CALB1: variants seen among roughly 807,000 people sequenced by gnomAD.
CALB1 encodes the protein calbindin.
CALB1 carries 16 observed loss-of-function variants against 46.7 expected under a neutral mutation model. That is an observed-to-expected ratio of 0.34 (90% confidence interval 0.23 to 0.52). The LOEUF is 0.52. CALB1 is among the 20% of genes least tolerant of loss of function. CALB1 has a pLI of 0.95. For missense variants in CALB1, 224 were observed against 300.3 expected, an observed-to-expected ratio of 0.75 and a Z score of 1.88; for synonymous variants, 90 against 112.8, an observed-to-expected ratio of 0.80 and a Z score of 1.28.
intron 3 of CALB1, among the ~76,000 whole-genome samples, chr8:90,073,391 A>G (rs1172346695): frequency 6.6e-6 from 1 of 152,108 alleles, no homozygotes; most frequent in African/African-American, 2.4e-5. Flanking sequence ...ACTGATCAAC[A>G]TGGGGATATA....
chr8:90,081,791 C>T (rs1814736590), intron 2 of CALB1, among the ~76,000 whole-genome samples: 1 of 151,756 alleles, frequency 6.6e-6, no homozygotes, highest in African/African-American at 2.4e-5. Context: ...TCCCTCCCTT[C>T]TCTGTCCCTC....
intron 5 of CALB1, 47 bp downstream of exon 5, chr8:90,068,951 A>T (rs1371476213): frequency 1.4e-6 from 2 of 1,387,146 alleles, no homozygotes; most frequent in Non-Finnish European, 2.0e-6. Context: ...CTTAGTTCAT[A>T]ATTGCATCTG....
chr8:90,068,879 A>C (rs937965563), intron 5 of CALB1, 119 bp downstream of exon 5: 4 of 658,164 alleles, frequency 6.1e-6, no homozygotes, highest in Non-Finnish European at 7.7e-6. Flanking sequence ...GAGTAGGTGA[A>C]AATGTGACAC....
At position 90,060,251 on chromosome 8, in the gene CALB1, C is replaced by G. The variant is rs371923255; in HGVS notation, c.708G>C (p.Lys236Asn). The change falls in exon 11 of 11, where the codon AAG (lysine) becomes AAC (asparagine). Residue 236 changes from lysine (K) to asparagine (N), a missense_variant. Physicochemically the swap from Lys to Asn is moderately conservative, Grantham distance 94. Transcript: ENST00000265431. ...LDINNITTYK[K>N]NIMALSDGGK... ...CTCCATCCGACAAAGCCATTATGTT[C>G]TTCTTGTATGTTGTAATATTATTAA... 6.2e-7 allele frequency: 1 copy of G among 1,611,322 alleles called. No homozygotes were observed. The highest frequency in any genetic ancestry group is 8.5e-7 in the Non-Finnish European group (1 of 1,177,504).
Position 90,063,470 on chromosome 8 carries a change from C to G in CALB1, c.451-9G>C. ...GAATCAAATAGTTTCAGCTGAAAGA[C>G]AGAATGCCATTATTCTAGCTATTTG... On this transcript the variant is annotated splice_polypyrimidine_tract_variant and intron_variant, in intron 6 of 10. Coordinates refer to ENST00000265431, the MANE Select transcript of CALB1 (RefSeq NM_004929.4). 1 of 1,605,254 alleles carries G rather than the reference C, an allele frequency of 6.2e-7. No individual in the cohort carries two copies. The highest frequency in any genetic ancestry group is 8.5e-7 in the Non-Finnish European group (1 of 1,173,246).
intron 3 of CALB1, among the ~76,000 whole-genome samples, chr8:90,070,459 A>G (rs1048038186): frequency 6.6e-6 from 1 of 152,156 alleles, no homozygotes; most frequent in African/African-American, 2.4e-5. Flanking sequence ...TCATCCTTTT[A>G]GGTTCATTTA....
chr8:90,060,723 GTATAC>G, intron 9 of CALB1, 23 bp from the exon 10 acceptor site: 3 of 1,537,906 alleles, frequency 2.0e-6, no homozygotes, highest in African/African-American at 1.4e-5. Flanking sequence ...AAATAAAATA[GTATAC>G]AACCAACTCC....
Position 90,065,980 on chromosome 8 carries a change from T to TA in CALB1, c.373-6dup. Reference sequence around the variant, plus strand: ...TAGCAGGTCCTTTAGAAAGTTCTGTTAAAACAAAGAACACTTAGATTAATT... The same window carrying TA: ...TAGCAGGTCCTTTAGAAAGTTCTGTTAAAAACAAAGAACACTTAGATTAATT... On this transcript the variant is annotated splice_region_variant and splice_polypyrimidine_tract_variant and intron_variant, in intron 5 of 10. Transcript: ENST00000265431. 6.3e-7 allele frequency: 1 copy of TA among 1,585,656 alleles called. No individual in the cohort carries two copies. The highest frequency in any genetic ancestry group is 8.7e-7 in the Non-Finnish European group (1 of 1,155,022).
chr8:90,077,854 A>G (rs1457642761), intron 3 of CALB1, among the ~76,000 whole-genome samples: 1 of 152,136 alleles, frequency 6.6e-6, no homozygotes, highest in Non-Finnish European at 1.5e-5. Context: ...TTCTGTTTTT[A>G]CGAAGGCCAA....
intron 2 of CALB1, chr8:90,081,441 C>T: frequency 1.0e-6 from 1 of 980,092 alleles, no homozygotes; most frequent in South Asian, 4.7e-5. Context: ...GATGTTTTCT[C>T]ATCTCCCCAA....
At chr8:90,065,849 ATAC>A (rs757967850) in intron 6 of CALB1, 46 bp downstream of exon 6, 1 of 1,197,880 alleles carries the variant, frequency 8.3e-7, no homozygotes, top group South Asian at 1.2e-5. Context: ...CAAGAACATC[ATAC>A]TACTTCATGA....
intron 3 of CALB1, among the ~76,000 whole-genome samples, chr8:90,072,472 A>G (rs1814543078): frequency 6.6e-6 from 1 of 152,368 alleles, no homozygotes; most frequent in South Asian, 2.1e-4. Context: ...ACATGATACC[A>G]TCCTATTTTA....
chr8:90,068,276 G>A (rs989914588), intron 5 of CALB1, among the ~76,000 whole-genome samples: 1 of 152,194 alleles, frequency 6.6e-6, no homozygotes, highest in Admixed American at 6.5e-5. Flanking sequence ...AGTAATTAAT[G>A]AGTTAAGACT....
At chr8:90,064,515 A>G (rs1218165236) in intron 6 of CALB1, 1 of 151,838 alleles carries the variant, frequency 6.6e-6, no homozygotes, top group Admixed American at 6.6e-5. Flanking sequence ...CAGATATGTC[A>G]GGCCAATCCA....
At chr8:90,082,560 A>G (rs1444194751) in intron 1 of CALB1, 59 bp downstream of exon 1, 1 of 1,386,458 alleles carries the variant, frequency 7.2e-7, no homozygotes, top group East Asian at 2.3e-5. Flanking sequence ...GAAAAGGGCA[A>G]AGAATGGGAA....
chr8:90,081,845 T>C (rs1235607762), intron 2 of CALB1, among the ~76,000 whole-genome samples, 181 bp downstream of exon 2: 1 of 151,678 alleles, frequency 6.6e-6, no homozygotes, highest in Non-Finnish European at 1.5e-5. Context: ...TCTCAGTCTC[T>C]TTCCCCTTTC....
intron 3 of CALB1, among the ~76,000 whole-genome samples, chr8:90,072,310 T>C (rs1368907149): frequency 2.0e-5 from 3 of 152,200 alleles, no homozygotes; most frequent in African/African-American, 7.2e-5. Flanking sequence ...GATACAGAGA[T>C]AGTAAAAATG....
At chr8:90,060,566 G>C in intron 10 of CALB1, 63 bp downstream of exon 10, 3 of 1,251,974 alleles carry the variant, frequency 2.4e-6, no homozygotes, top group Non-Finnish European at 3.5e-6. Flanking sequence ...TGGATGTGCT[G>C]TTGGTTTTGG....
At chr8:90,063,645 A>G (rs1331666037) in intron 6 of CALB1, 184 bp from the exon 7 acceptor site, 14 of 586,392 alleles carry the variant, frequency 2.4e-5, no homozygotes, top group Non-Finnish European at 4.3e-5. Context: ...CCATTGCTAG[A>G]GTTTATCAGG....
Sources: gnomAD v4.1 joint callset for allele counts (sites outside exome capture counted in the v4.1 genomes callset) on GRCh38, gnomAD v4.1.1 for gene constraint, MANE v1.5 for transcripts, NCBI Gene and HGNC (gene_info 2026-07-23, HGNC 2026-07-21) for gene names.